COL24A1: variants seen among roughly 807,000 people sequenced by gnomAD.
COL24A1 encodes collagen type XXIV alpha 1 chain, also known as collagen alpha-1(XXIV) chain.
COL24A1 carries 224 observed loss-of-function variants against 253.9 expected under a neutral mutation model. The observed-to-expected ratio is 0.88, with a 90% CI of 0.79 to 0.99. COL24A1 has a LOEUF of 0.99. COL24A1 is among the 50% of genes least tolerant of loss of function. COL24A1 has a pLI of 0.00. For missense variants in COL24A1, 2,131 were observed against 2,068.5 expected (o/e 1.03, Z -0.59); for synonymous variants, 685 against 673.7 (o/e 1.02, Z -0.26).
chr1:85,883,383 C>T (rs565922259), intron 32 of COL24A1, among the ~76,000 whole-genome samples: 6 of 151,842 alleles, frequency 4.0e-5, no homozygotes, highest in African/African-American at 1.4e-4. Flanking sequence ...CCATGTCCAA[C>T]TAATTTTTGC....
chr1:85,831,587 T>C (rs1185234783), intron 43 of COL24A1, among the ~76,000 whole-genome samples: 1 of 152,118 alleles, frequency 6.6e-6, no homozygotes, highest in East Asian at 1.9e-4. Context: ...ATTACAAAAT[T>C]ATTCAGGAGA....
intron 32 of COL24A1, among the ~76,000 whole-genome samples, chr1:85,882,921 C>T (rs1454390946): frequency 2.0e-5 from 3 of 152,138 alleles, no homozygotes; most frequent in African/African-American, 7.2e-5. Context: ...ATATTTCCAG[C>T]TTTCCTTTGA....
At chr1:85,901,597 G>A (rs1684297970) in intron 28 of COL24A1, among the ~76,000 whole-genome samples, 1 of 151,908 alleles carries the variant, frequency 6.6e-6, no homozygotes, top group Admixed American at 6.6e-5. Context: ...GATCACCTGA[G>A]GTCAGGAGTT....
intron 53 of COL24A1, among the ~76,000 whole-genome samples, chr1:85,771,559 C>T (rs1281253774): frequency 2.0e-5 from 3 of 152,140 alleles, no homozygotes; most frequent in Non-Finnish European, 2.9e-5. Flanking sequence ...CTGCAATAAA[C>T]ATACGTGTGC....
At chr1:85,834,473 C>T (rs1416614915) in intron 43 of COL24A1, among the ~76,000 whole-genome samples, 1 of 152,134 alleles carries the variant, frequency 6.6e-6, no homozygotes, top group African/African-American at 2.4e-5. Flanking sequence ...TGGTTTGGCA[C>T]TTACTGAGTT....
intron 37 of COL24A1, among the ~76,000 whole-genome samples, chr1:85,854,596 G>A (rs1263116563): frequency 6.6e-6 from 1 of 152,088 alleles, no homozygotes; most frequent in African/African-American, 2.4e-5. Flanking sequence ...TCCTATCCAT[G>A]AGCATAGAAG....
At chr1:85,771,104 T>A (rs1056909292) in intron 53 of COL24A1, among the ~76,000 whole-genome samples, 5 of 152,312 alleles carry the variant, frequency 3.3e-5, no homozygotes, top group East Asian at 3.9e-4. Context: ...ATAGGGTTTT[T>A]AAATTATTAT....
chr1:85,797,046 A>C (rs1370359466), intron 47 of COL24A1, among the ~76,000 whole-genome samples: 2 of 147,422 alleles, frequency 1.4e-5, no homozygotes, highest in Non-Finnish European at 3.0e-5. Context: ...CAAAAATACA[A>C]AAAAAAAAAA....
At chr1:86,026,363 C>T (rs1698020747) in intron 14 of COL24A1, among the ~76,000 whole-genome samples, 1 of 152,158 alleles carries the variant, frequency 6.6e-6, no homozygotes, top group African/African-American at 2.4e-5. Flanking sequence ...ATTGTAGTCT[C>T]CATAATCCCC....
intron 43 of COL24A1, among the ~76,000 whole-genome samples, chr1:85,827,117 G>T (rs1416168329): frequency 1.3e-5 from 2 of 152,038 alleles, no homozygotes; most frequent in African/African-American, 4.8e-5. Context: ...CCTAATTAAT[G>T]GAGAGTTTTT....
At chr1:85,988,629 G>C (rs1693951320) in intron 19 of COL24A1, among the ~76,000 whole-genome samples, 1 of 152,006 alleles carries the variant, frequency 6.6e-6, no homozygotes. Flanking sequence ...ATCTTTAAAA[G>C]TAAAGAAGGC....
At chr1:85,796,683 G>A (rs1300158490) in intron 47 of COL24A1, among the ~76,000 whole-genome samples, 3 of 152,016 alleles carry the variant, frequency 2.0e-5, no homozygotes, top group Non-Finnish European at 4.4e-5. Context: ...ATGCATGTAA[G>A]CTTAACCATT....
intron 19 of COL24A1, among the ~76,000 whole-genome samples, chr1:86,010,745 G>A (rs955123752): frequency 2.6e-5 from 4 of 151,996 alleles, no homozygotes; most frequent in Non-Finnish European, 5.9e-5. Context: ...TCCACACAAT[G>A]AAGTACTATG....
chr1:85,783,716 AT>A lies in COL24A1; in HGVS notation c.4222-159del, dbSNP rs1398012594. 2.6e-5 allele frequency among the ~76,000 whole-genome samples: 4 copies of A among 152,226 alleles called. No individual in the cohort carries two copies. The East Asian group carries it at 5.8e-4, about 22-fold the overall frequency. Reference sequence around the variant, plus strand: ...AGAAGGAAGTGTACTGAGGCCTACAATTTACTTAGAAATACACCAATGAAGG... The same window carrying A: ...AGAAGGAAGTGTACTGAGGCCTACAATTACTTAGAAATACACCAATGAAGG... On this transcript the variant is annotated intron_variant, in intron 50 of 59. Coordinates refer to ENST00000370571, the MANE Select transcript of COL24A1 (RefSeq NM_152890.7).
intron 37 of COL24A1, among the ~76,000 whole-genome samples, chr1:85,858,621 C>CCTTCCT (rs1553201493): frequency 1.9e-4 from 22 of 113,372 alleles, no homozygotes; most frequent in African/African-American, 6.2e-4. Context: ...TATTTTCTCC[C>CCTTCCT]TCCTTCCTTC....
At chr1:85,740,761 T>G (rs1664523386) in intron 57 of COL24A1, among the ~76,000 whole-genome samples, 1 of 150,096 alleles carries the variant, frequency 6.7e-6, no homozygotes, top group Admixed American at 6.6e-5. Flanking sequence ...CATGAGCCAT[T>G]GCACCTGGCC....
intron 10 of COL24A1, 52 bp downstream of exon 10, chr1:86,057,879 A>G: frequency 6.6e-7 from 1 of 1,513,496 alleles, no homozygotes; most frequent in Non-Finnish European, 9.1e-7. Flanking sequence ...TATATATTTC[A>G]TTCTACTTTT....
chr1:86,112,753 T>A, intron 4 of COL24A1, 133 bp from the exon 5 acceptor site: 1 of 694,822 alleles, frequency 1.4e-6, no homozygotes, highest in Non-Finnish European at 2.3e-6. Context: ...ATGTATGCCT[T>A]AAAGACCTAC....
At chr1:86,058,014 C>A (rs751300277) in intron 9 of COL24A1, 39 bp from the exon 10 acceptor site, 2 of 1,549,036 alleles carry the variant, frequency 1.3e-6, no homozygotes, top group Admixed American at 3.6e-5. Context: ...TACTACAGTA[C>A]TTTTTAAAGA....
Sources: gnomAD v4.1 joint callset for allele counts (sites outside exome capture counted in the v4.1 genomes callset) on GRCh38, gnomAD v4.1.1 for gene constraint, MANE v1.5 for transcripts, NCBI Gene and HGNC (gene_info 2026-07-23, HGNC 2026-07-21) for gene names.